GALNT7: variants seen among roughly 807,000 people sequenced by gnomAD.
GALNT7 encodes the protein polypeptide N-acetylgalactosaminyltransferase 7, also known as N-acetylgalactosaminyltransferase 7.
A neutral mutation model predicts 82.1 loss-of-function variants in GALNT7; 60 were observed. The ratio of observed to expected loss-of-function variants is 0.73; its 90% confidence interval spans 0.59 to 0.91. The LOEUF (loss-of-function observed/expected upper bound fraction) is 0.91. Among genes scored for constraint, GALNT7 ranks in the 40% least tolerant of loss-of-function variants. GALNT7 has a pLI of 0.00. For missense variants in GALNT7, 660 were observed against 804.2 expected (o/e 0.82, Z 2.17); for synonymous variants, 243 against 275.1 (o/e 0.88, Z 1.15).
intron 1 of GALNT7, among the ~76,000 whole-genome samples, chr4:173,214,836 A>G (rs1468163431): frequency 6.6e-6 from 1 of 150,964 alleles, no homozygotes; most frequent in Non-Finnish European, 1.5e-5. Flanking sequence ...TTCCAGCCCT[A>G]GTAGTGACAG....
intron 1 of GALNT7, among the ~76,000 whole-genome samples, chr4:173,230,537 G>A (rs1224676598): frequency 2.0e-5 from 3 of 152,160 alleles, no homozygotes; most frequent in Admixed American, 2.0e-4. Context: ...TATTTTTAAT[G>A]TTTTAATATG....
rs762677223 is a variant in GALNT7 at position 173,248,361 on chromosome 4, A to C, written c.508A>C (p.Ile170Leu). ...ATTCAAACAAGCAATTCAAGCCAGC[A>C]TTAAAGAGTTTGGATTTAACATGGT... ...PEFKQAIQAS[I>L]KEFGFNMVAS... Residue 170 changes from isoleucine (I) to leucine (L), a missense_variant, in exon 2 of 12, where the codon ATT becomes CTT. Physicochemically the swap from Ile to Leu is conservative, Grantham distance 5 (BLOSUM62 2). Around this residue, in one of 2 missense-constraint regions of GALNT7, gnomAD observed 527 missense variants for 683.5 expected, o/e 0.77. Coordinates refer to ENST00000265000, the MANE Select transcript of GALNT7 (RefSeq NM_017423.3). The C allele has an allele frequency of 5.6e-6, 9 of 1,613,806 alleles. No individual in the cohort carries two copies. Among genetic ancestry groups the C allele is most frequent in the Non-Finnish European group, 8.5e-7 (1 of 1,179,852 alleles).
intron 1 of GALNT7, among the ~76,000 whole-genome samples, chr4:173,194,755 C>T (rs568989990): frequency 2.4e-4 from 37 of 152,192 alleles, no homozygotes; most frequent in Non-Finnish European, 4.6e-4. Context: ...TCGTCATTTA[C>T]ATTAGGTATA....
intron 2 of GALNT7, among the ~76,000 whole-genome samples, chr4:173,285,041 A>G (rs913012567): frequency 1.3e-5 from 2 of 152,232 alleles, no homozygotes; most frequent in Non-Finnish European, 1.5e-5. Flanking sequence ...AATTTAGTCA[A>G]TATGTTCACA....
At chr4:173,254,536 T>C (rs1211444113) in intron 2 of GALNT7, among the ~76,000 whole-genome samples, 1 of 152,224 alleles carries the variant, frequency 6.6e-6, no homozygotes, top group Non-Finnish European at 1.5e-5. Context: ...AACCTTAAAC[T>C]ACTCATAAAA....
chr4:173,303,563 C>G (rs7684941), intron 7 of GALNT7, among the ~76,000 whole-genome samples: 5,123 of 152,242 alleles, frequency 0.034, 281 homozygotes, highest in African/African-American at 0.12. Context: ...CTGCCCTTCA[C>G]CTATAATAAT....
intron 1 of GALNT7, among the ~76,000 whole-genome samples, chr4:173,183,043 A>AACACACACACACACAC (rs35043722): frequency 1.2e-4 from 15 of 125,034 alleles, no homozygotes; most frequent in African/African-American, 3.8e-4. Flanking sequence ...CACACACATA[A>AACACACACACACACAC]ACACACACAC....
chr4:173,205,977 G>A (rs950486843), intron 1 of GALNT7, among the ~76,000 whole-genome samples: 3 of 152,096 alleles, frequency 2.0e-5, no homozygotes. Flanking sequence ...CCTGCCTGGT[G>A]CTGGGAAAGA....
chr4:173,235,453 C>T (rs1734188470), intron 1 of GALNT7, among the ~76,000 whole-genome samples: 1 of 152,196 alleles, frequency 6.6e-6, no homozygotes, highest in African/African-American at 2.4e-5. Flanking sequence ...ACGTTCTCTA[C>T]CTGGGATACT....
intron 9 of GALNT7, 133 bp from the exon 10 acceptor site, chr4:173,317,489 ACAATCCAGTAAT>A: frequency 1.7e-6 from 1 of 597,666 alleles, no homozygotes; most frequent in Non-Finnish European, 3.0e-6. Flanking sequence ...GTAAAGATTG[ACAATCCAGTAAT>A]AACCTGTCAC....
chr4:173,206,761 A>C (rs1733112481), intron 1 of GALNT7, among the ~76,000 whole-genome samples: 1 of 152,058 alleles, frequency 6.6e-6, no homozygotes, highest in East Asian at 1.9e-4. Context: ...GTTGCTGGGG[A>C]AGGTTGGGGA....
At chr4:173,218,521 T>G (rs1733542595) in intron 1 of GALNT7, among the ~76,000 whole-genome samples, 1 of 151,924 alleles carries the variant, frequency 6.6e-6, no homozygotes, top group Non-Finnish European at 1.5e-5. Flanking sequence ...GAAGGGTGTG[T>G]GGGGGTGGGT....
intron 2 of GALNT7, among the ~76,000 whole-genome samples, chr4:173,276,348 A>G (rs1735911756): frequency 6.6e-6 from 1 of 152,176 alleles, no homozygotes; most frequent in African/African-American, 2.4e-5. Context: ...TTATAGGCTT[A>G]ATTTTGACCT....
chr4:173,227,466 G>A (rs1352853123), intron 1 of GALNT7, among the ~76,000 whole-genome samples: 2 of 152,094 alleles, frequency 1.3e-5, no homozygotes, highest in African/African-American at 4.8e-5. Context: ...CCAGTAGCTG[G>A]GACTACAGGC....
At chr4:173,184,115 C>G (rs1003370746) in intron 1 of GALNT7, among the ~76,000 whole-genome samples, 1 of 147,380 alleles carries the variant, frequency 6.8e-6, no homozygotes, top group Non-Finnish European at 1.5e-5. Flanking sequence ...ACTTCCCAGA[C>G]TGGGCGGCGG....
At chr4:173,314,639 T>C (rs1737526652) in intron 9 of GALNT7, among the ~76,000 whole-genome samples, 1 of 152,172 alleles carries the variant, frequency 6.6e-6, no homozygotes, top group Non-Finnish European at 1.5e-5. Context: ...CTTGATCACT[T>C]GTGTCCAGGT....
At chr4:173,305,387 A>G (rs953667928) in intron 8 of GALNT7, among the ~76,000 whole-genome samples, 5 of 152,060 alleles carry the variant, frequency 3.3e-5, no homozygotes, top group Non-Finnish European at 7.4e-5. Flanking sequence ...TAGATTGTCT[A>G]CTTTGTTAAT....
At chr4:173,257,268 T>C (rs1735076388) in intron 2 of GALNT7, among the ~76,000 whole-genome samples, 1 of 152,196 alleles carries the variant, frequency 6.6e-6, no homozygotes, top group African/African-American at 2.4e-5. Context: ...GAGAGAGCTG[T>C]AAAGCAAGAT....
intron 1 of GALNT7, among the ~76,000 whole-genome samples, chr4:173,209,673 C>T (rs964849395): frequency 2.0e-5 from 3 of 152,226 alleles, no homozygotes; most frequent in South Asian, 4.1e-4. Flanking sequence ...TCACTGCCTC[C>T]CTCAGGAATG....
Sources: allele counts gnomAD v4.1 joint callset (sites outside exome capture counted in the v4.1 genomes callset), GRCh38; gene constraint gnomAD v4.1.1; regional missense constraint gnomAD v4.1.1; transcripts MANE v1.5; gene names NCBI Gene and HGNC (gene_info 2026-07-23, HGNC 2026-07-21).